Variants in ARHGAP15 observed in about 807,000 individuals in gnomAD.
ARHGAP15 encodes Rho GTPase activating protein 15, also known as rho GTPase-activating protein 15.
ARHGAP15 carries 51 observed loss-of-function variants against 63.7 expected under a neutral mutation model. The observed-to-expected ratio is 0.80, with a 90% CI of 0.64 to 1.01. ARHGAP15 has a LOEUF of 1.01. Ranked by LOEUF, ARHGAP15 falls within the 50% of genes least tolerant of loss-of-function variation. ARHGAP15 has a pLI of 0.00. For synonymous variants in ARHGAP15, 191 were observed against 193.8 expected, an observed-to-expected ratio of 0.99 and a Z score of 0.12; for missense variants, 560 against 564.6, an observed-to-expected ratio of 0.99 and a Z score of 0.08.
At position 143,703,404 on chromosome 2, in the gene ARHGAP15, T is replaced by C. The variant is rs751730230; in HGVS notation, c.1139-15T>C. On this transcript the variant is annotated splice_polypyrimidine_tract_variant and intron_variant, in intron 12 of 13. Coordinates refer to ENST00000295095, the MANE Select transcript of ARHGAP15 (RefSeq NM_018460.4). Reference sequence around the variant, plus strand: ...TTGTTTTTTCCCTAACCTTCCTTTTTATTTTTTTTTCCAGAAAAGCAAGAC... The same window carrying C: ...TTGTTTTTTCCCTAACCTTCCTTTTCATTTTTTTTTCCAGAAAAGCAAGAC... The C allele has an allele frequency of 1.1e-4, 179 of 1,592,814 alleles. No homozygotes were observed. The highest frequency in any genetic ancestry group is 1.5e-4 in the Non-Finnish European group (173 of 1,172,228).
intron 6 of ARHGAP15, among the ~76,000 whole-genome samples, chr2:143,343,883 G>T (rs7596791): frequency 0.49 from 75,137 of 151,930 alleles, 19,737 homozygotes; most frequent in African/African-American, 0.67. Context: ...TTAAACAGAA[G>T]CTTTCTACTT....
chr2:143,502,049 G>A (rs775859067), intron 9 of ARHGAP15, among the ~76,000 whole-genome samples: 1 of 152,180 alleles, frequency 6.6e-6, no homozygotes, highest in Non-Finnish European at 1.5e-5. Context: ...AAAGTAAACA[G>A]TCCATTGGAA....
At chr2:143,618,193 G>A (rs1698518139) in intron 11 of ARHGAP15, among the ~76,000 whole-genome samples, 1 of 152,190 alleles carries the variant, frequency 6.6e-6, no homozygotes, top group Admixed American at 6.5e-5. Flanking sequence ...AGCTAGTTGA[G>A]TGATTCAACC....
At chr2:143,225,477 T>G (rs1693173182) in intron 4 of ARHGAP15, among the ~76,000 whole-genome samples, 1 of 152,036 alleles carries the variant, frequency 6.6e-6, no homozygotes. Flanking sequence ...GGTGGGCGCC[T>G]GTAGTCCCAG....
At chr2:143,512,508 C>T (rs1049833132) in intron 9 of ARHGAP15, among the ~76,000 whole-genome samples, 1 of 152,228 alleles carries the variant, frequency 6.6e-6, no homozygotes, top group African/African-American at 2.4e-5. Context: ...TTGATATCTA[C>T]CATACTCTTC....
chr2:143,648,106 A>C (rs1680977989), intron 12 of ARHGAP15, among the ~76,000 whole-genome samples: 1 of 152,040 alleles, frequency 6.6e-6, no homozygotes, highest in South Asian at 2.1e-4. Flanking sequence ...GCAAGGTTGA[A>C]CACTTGCATG....
At chr2:143,255,986 A>T (rs1680405460) in intron 6 of ARHGAP15, among the ~76,000 whole-genome samples, 1 of 152,092 alleles carries the variant, frequency 6.6e-6, no homozygotes, top group Non-Finnish European at 1.5e-5. Flanking sequence ...GAGAGAACAC[A>T]TGGGTCTGGG....
intron 11 of ARHGAP15, among the ~76,000 whole-genome samples, chr2:143,608,927 C>T (rs534205069): frequency 5.4e-4 from 82 of 152,300 alleles, no homozygotes; most frequent in African/African-American, 1.9e-3. Flanking sequence ...TGAAAAACTT[C>T]AGCTTGAATA....
intron 13 of ARHGAP15, among the ~76,000 whole-genome samples, chr2:143,743,549 G>C (rs893883620): frequency 6.6e-6 from 1 of 152,102 alleles, no homozygotes; most frequent in Non-Finnish European, 1.5e-5. Context: ...AGTTTCTTGC[G>C]ATCTCTGTAC....
intron 13 of ARHGAP15, among the ~76,000 whole-genome samples, chr2:143,734,413 G>C (rs941656580): frequency 3.9e-5 from 6 of 152,094 alleles, no homozygotes; most frequent in African/African-American, 1.4e-4. Context: ...TTGCATTTAG[G>C]AGTATATTTT....
chr2:143,534,913 T>A (rs553364972), intron 10 of ARHGAP15, among the ~76,000 whole-genome samples: 3 of 151,754 alleles, frequency 2.0e-5, no homozygotes, highest in Non-Finnish European at 4.4e-5. Flanking sequence ...CAAAAAAACC[T>A]ATATGAATTT....
At chr2:143,245,648 C>A (rs1461631052) in intron 5 of ARHGAP15, among the ~76,000 whole-genome samples, 1 of 149,138 alleles carries the variant, frequency 6.7e-6, no homozygotes, top group Non-Finnish European at 1.5e-5. Flanking sequence ...GGGTAATGAA[C>A]ATGGTTAGAG....
At chr2:143,767,801 G>A (rs982323046) in intron 13 of ARHGAP15, among the ~76,000 whole-genome samples, 188 bp from the exon 14 acceptor site, 2 of 152,076 alleles carry the variant, frequency 1.3e-5, no homozygotes, top group Non-Finnish European at 2.9e-5. Context: ...GTTGGACAAG[G>A]CAATGTATCC....
At chr2:143,734,995 G>A (rs1165805947) in intron 13 of ARHGAP15, among the ~76,000 whole-genome samples, 1 of 152,138 alleles carries the variant, frequency 6.6e-6, no homozygotes, top group African/African-American at 2.4e-5. Context: ...TTATTTAGCA[G>A]ATTAGCAAAT....
At chr2:143,565,305 T>C (rs1372779634) in intron 11 of ARHGAP15, among the ~76,000 whole-genome samples, 1 of 152,070 alleles carries the variant, frequency 6.6e-6, no homozygotes, top group Non-Finnish European at 1.5e-5. Flanking sequence ...TATGGGACCC[T>C]CTATAAGAAA....
intron 10 of ARHGAP15, among the ~76,000 whole-genome samples, chr2:143,546,610 T>C (rs886990014): frequency 6.1e-5 from 9 of 148,184 alleles, no homozygotes; most frequent in Middle Eastern, 3.7e-3. Context: ...TGCTGGTGTA[T>C]TGGCTTGCAA....
intron 6 of ARHGAP15, among the ~76,000 whole-genome samples, chr2:143,301,087 T>C (rs1335823275): frequency 6.6e-6 from 1 of 151,920 alleles, no homozygotes. Flanking sequence ...TTTGGCTAAA[T>C]ACTAAATAAG....
At chr2:143,192,518 A>G (rs1477460279) in intron 2 of ARHGAP15, among the ~76,000 whole-genome samples, 1 of 152,226 alleles carries the variant, frequency 6.6e-6, no homozygotes, top group Non-Finnish European at 1.5e-5. Flanking sequence ...AGATGCAGCC[A>G]TTACTGTTGT....
intron 9 of ARHGAP15, among the ~76,000 whole-genome samples, chr2:143,510,889 A>G (rs1693555949): frequency 6.6e-6 from 1 of 152,332 alleles, no homozygotes; most frequent in Non-Finnish European, 1.5e-5. Context: ...GCAGAGTCAC[A>G]TCATTTTGAA....
Sources: allele counts gnomAD v4.1 joint callset (sites outside exome capture counted in the v4.1 genomes callset), GRCh38; gene constraint gnomAD v4.1.1; transcripts MANE v1.5; gene names NCBI Gene and HGNC (gene_info 2026-07-23, HGNC 2026-07-21).